CACNB1: variants seen among roughly 807,000 people sequenced by gnomAD.
CACNB1 encodes calcium voltage-gated channel auxiliary subunit beta 1.
CACNB1 carries 29 observed loss-of-function variants against 71.6 expected under a neutral mutation model. The observed-to-expected ratio is 0.40, with a 90% confidence interval of 0.30 to 0.55. CACNB1 has a LOEUF of 0.55. Ranked by LOEUF, CACNB1 falls within the 20% of genes least tolerant of loss-of-function variation. CACNB1 has a pLI of 0.38. For missense variants in CACNB1, 623 were observed against 801.8 expected (o/e 0.78, Z 2.69); for synonymous variants, 300 against 319.6 (o/e 0.94, Z 0.65).
At position 39,184,076 on chromosome 17, in the gene CACNB1, T is replaced by C. The variant is rs1269735666; in HGVS notation, c.853A>G (p.Ser285Gly). 3 of 1,613,420 alleles carry C rather than the reference T, an allele frequency of 1.9e-6. No individual in the cohort carries two copies. The Admixed American group carries it at 5.0e-5, about 27-fold the overall frequency. Residue 285 changes from serine (S) to glycine (G), a missense_variant, in exon 10 of 14, where the codon AGC becomes GGC. Coordinates refer to ENST00000394303, the MANE Select transcript of CACNB1 (RefSeq NM_000723.5). ...GAGCGCTCAATGATGATGTGTTTGC[T>C]GGGGTTGTTGAGAACTGAGCGCTTA... The part of the protein sequence containing the change: ...LAKRSVLNNP[S>G]KHIIIERSNT...
Position 39,197,594 on chromosome 17 carries a change from C to T in CACNB1, c.-99G>A. ...GCCGAAAGCAGCGCGGCGCAGCCAG[C>T]ACCCGGTCCAGCCACCCAGCTCGGC... On this transcript the variant is annotated 5_prime_UTR_variant, in exon 1 of 14. Transcript: ENST00000394303. The T allele has an allele frequency of 6.7e-6, 6 of 897,044 alleles. No individual in the cohort carries two copies. Among genetic ancestry groups the T allele is most frequent in the Non-Finnish European group, 9.9e-6 (6 of 607,786 alleles). 55.6% of individuals were successfully genotyped at this position (897,044 alleles called of 1,614,324 possible).
In CACNB1 at chr17:39,186,695, G is replaced by T; in HGVS notation, c.551+98C>A. ...CACTGGTGATGCCACAGGCAGCTCT[G>T]TGCCCTCAGGGCCAGGGACAACCAT... On this transcript the variant is annotated intron_variant, in intron 5 of 13. Transcript: ENST00000394303. This position sits in a 1 kb window ranked among gnomAD's most constrained non-coding sequence, Gnocchi z 4.1. The T allele has an allele frequency of 1.3e-6, 2 of 1,551,968 alleles. No homozygotes were observed. The highest frequency in any genetic ancestry group is 2.3e-5 in the East Asian group (1 of 44,332).
At chr17:39,180,659 C>CAA (rs200675636) in intron 11 of CACNB1, among the ~76,000 whole-genome samples, 7 of 135,334 alleles carry the variant, frequency 5.2e-5, no homozygotes, top group South Asian at 2.3e-4. Context: ...CGTCCCCCCT[C>CAA]AAAAAAAAAA....
intron 13 of CACNB1, among the ~76,000 whole-genome samples, chr17:39,176,612 A>C (rs1325448011): frequency 6.6e-6 from 1 of 152,222 alleles, no homozygotes; most frequent in Non-Finnish European, 1.5e-5. Flanking sequence ...TTCATTGAAC[A>C]AATGGGCTCT....
intron 3 of CACNB1, among the ~76,000 whole-genome samples, chr17:39,188,570 T>C (rs801236): frequency 0.19 from 23,756 of 125,460 alleles, 2,496 homozygotes; most frequent in African/African-American, 0.36. Context: ...TGAGACTCCG[T>C]CAAAAAAAAA....
At position 39,196,105 on chromosome 17, in the gene CACNB1, G is replaced by A. The variant is rs3025211; in HGVS notation, c.85-1135C>T. 1.6e-3 allele frequency among the ~76,000 whole-genome samples: 248 copies of A among 152,220 alleles called. 6 individuals are homozygous for A. In the East Asian group the frequency reaches 0.042, roughly 26 times the overall value. On this transcript the variant is annotated intron_variant, in intron 1 of 13. Coordinates refer to ENST00000394303, the MANE Select transcript of CACNB1 (RefSeq NM_000723.5). ...GTCCCCGCCCTTGGTCTCCATCCTA[G>A]ACTTTCTTTGGCCAAAGAACCTGGA...
chr17:39,184,063 A>G lies in CACNB1; in HGVS notation c.866T>C (p.Ile289Thr). 1 of 1,613,388 alleles carries G rather than the reference A, an allele frequency of 6.2e-7. No individual in the cohort carries two copies. The highest frequency in any genetic ancestry group is 8.5e-7 in the Non-Finnish European group (1 of 1,179,626). Residue 289 changes from isoleucine (I) to threonine (T), a missense_variant, in exon 10 of 14, where the codon ATC (isoleucine) becomes ACC (threonine). Transcript: ENST00000394303. ...SVLNNPSKHIIIERSNTRSSL... is the reference protein window; with the variant it reads ...SVLNNPSKHITIERSNTRSSL... ...GGAGCGTGTGTTGGAGCGCTCAATG[A>G]TGATGTGTTTGCTGGGGTTGTTGAG...
chr17:39,186,877 A>C lies in CACNB1; in HGVS notation c.467T>G (p.Val156Gly). Reference protein sequence around the residue: ...IGRLVKEGCEVGFIPSPVKLD... With the variant: ...IGRLVKEGCEGGFIPSPVKLD... ...TTTGACGGGGCTGGGAATGAAGCCA[A>C]CCTCACAGCCCTCCTTCACCAGCCG... The change falls in exon 5 of 14, where the codon GTT becomes GGT. Residue 156 changes from valine (V) to glycine (G), a missense_variant. Val to Gly is a moderately radical substitution (Grantham distance 109, BLOSUM62 -3). Coordinates refer to ENST00000394303, the MANE Select transcript of CACNB1 (RefSeq NM_000723.5). This position sits in a 1 kb window ranked among gnomAD's most constrained non-coding sequence, Gnocchi z 4.1. 2 of 1,613,964 alleles carry C rather than the reference A, an allele frequency of 1.2e-6. No homozygotes were observed. The highest frequency in any genetic ancestry group is 1.7e-6 in the Non-Finnish European group (2 of 1,179,896).
rs1260149069 is a variant in CACNB1 at position 39,197,481 on chromosome 17, G to C, written c.15C>G (p.Thr5=). The change falls in exon 1 of 14, where the codon ACC becomes ACG. Residue 5 remains threonine (T), a synonymous_variant. Coordinates refer to ENST00000394303, the MANE Select transcript of CACNB1 (RefSeq NM_000723.5). ...GTGGGTAAGGGCCCCGGGACATGCT[G>C]GTCTTCTGGACCATGGAGAGGAGCC... MVQK[T]SMSRGPYPPS... 1 of 1,494,342 alleles carries C rather than the reference G, an allele frequency of 6.7e-7. No homozygotes were observed. The highest frequency in any genetic ancestry group is 1.3e-5 in the South Asian group (1 of 77,228). 92.6% of individuals were successfully genotyped at this position (1,494,342 alleles called of 1,614,324 possible).
chr17:39,186,844 C>T lies in CACNB1; in HGVS notation c.500G>A (p.Ser167Asn). Residue 167 changes from serine to asparagine, a missense_variant, in exon 5 of 14, where the codon AGC (serine) becomes AAC (asparagine). Coordinates refer to ENST00000394303, the MANE Select transcript of CACNB1 (RefSeq NM_000723.5). The surrounding 1 kb of genome is among the most constrained non-coding windows in gnomAD (Gnocchi z 4.1). Reference protein sequence around the residue: ...GFIPSPVKLDSLRLLQEQKLR... With the variant: ...GFIPSPVKLDNLRLLQEQKLR... The stretch of plus-strand genomic sequence containing the variant: ...CTTCTGTTCCTGCAGCAGGCGAAGG[C>T]TGTCCAGTTTGACGGGGCTGGGAAT... The T allele has an allele frequency of 6.2e-7, 1 of 1,614,158 alleles. No individual in the cohort carries two copies. The highest frequency in any genetic ancestry group is 8.5e-7 in the Non-Finnish European group (1 of 1,179,988).
At chr17:39,184,217 G>A (rs2045869700) in intron 9 of CACNB1, 77 bp from the exon 10 acceptor site, 2 of 1,297,614 alleles carry the variant, frequency 1.5e-6, no homozygotes, top group Non-Finnish European at 2.2e-6. Context: ...TTCCAGGCCC[G>A]CCTTCTGTTC....
At chr17:39,181,075 C>T (rs1359314801) in intron 11 of CACNB1, among the ~76,000 whole-genome samples, 1 of 151,766 alleles carries the variant, frequency 6.6e-6, no homozygotes, top group Admixed American at 6.6e-5. Context: ...TCTGGGATAC[C>T]AAGCGTTTAT....
rs762711964 is a variant in CACNB1 at position 39,187,467 on chromosome 17, C to T, written c.414+12G>A. On this transcript the variant is annotated intron_variant, in intron 4 of 13. Coordinates refer to ENST00000394303, the MANE Select transcript of CACNB1 (RefSeq NM_000723.5). ...TGGCACCCACTTCCCTGCCCTCCCT[C>T]CAGATACCCACCTCCTTGATGTGCA... The T allele has an allele frequency of 1.2e-6, 2 of 1,613,808 alleles. No homozygotes were observed. Among genetic ancestry groups the T allele is most frequent in the Admixed American group, 3.3e-5 (2 of 59,994 alleles).
At chr17:39,189,586 C>A (rs2046023373) in intron 3 of CACNB1, among the ~76,000 whole-genome samples, 1 of 150,950 alleles carries the variant, frequency 6.6e-6, no homozygotes, top group Admixed American at 6.6e-5. Context: ...GCAACCTCTG[C>A]CTCCTTGGTT....
At position 39,175,278 on chromosome 17, in the gene CACNB1, C is replaced by T. The variant is rs755188315; in HGVS notation, c.1712G>A (p.Arg571His). Reference protein sequence around the residue: ...DNRNRGRNKARYCAEGGGPVL... With the variant: ...DNRNRGRNKAHYCAEGGGPVL... ...TGGACCCCCACCCTCAGCGCAGTAG[C>T]GGGCCTTATTCCGGCCCCGGTTCCG... Residue 571 changes from arginine (R) to histidine (H), a missense_variant, in exon 14 of 14, where the codon CGC (arginine) becomes CAC (histidine). Coordinates refer to ENST00000394303, the MANE Select transcript of CACNB1 (RefSeq NM_000723.5). This position sits in a 1 kb window ranked among gnomAD's most constrained non-coding sequence, Gnocchi z 4.7. 13 of 1,614,038 alleles carry T rather than the reference C, an allele frequency of 8.1e-6. No individual in the cohort carries two copies. Among genetic ancestry groups the T allele is most frequent in the Admixed American group, 1.7e-5 (1 of 60,000 alleles).
chr17:39,192,173 C>T (rs1291204630), intron 2 of CACNB1: 3 of 156,680 alleles, frequency 1.9e-5, no homozygotes, highest in African/African-American at 4.8e-5. Flanking sequence ...AACTTCACTA[C>T]TTACAGCCCC....
In CACNB1 at chr17:39,186,954, G is replaced by A. The variant is rs1478830831; in HGVS notation, c.415-25C>T. The A allele has an allele frequency of 1.9e-6, 3 of 1,611,804 alleles. No individual in the cohort carries two copies. The highest frequency in any genetic ancestry group is 2.2e-5 in the East Asian group (1 of 44,818). On this transcript the variant is annotated intron_variant, in intron 4 of 13. Transcript: ENST00000394303. The surrounding 1 kb of genome is among the most constrained non-coding windows in gnomAD (Gnocchi z 4.1). Reference sequence around the variant, plus strand: ...TCTGCAAAGAATATGGCAGGTGGGTGGAAAGAGCAAGAGGGAAACTGCAGG... The same window carrying A: ...TCTGCAAAGAATATGGCAGGTGGGTAGAAAGAGCAAGAGGGAAACTGCAGG...
In CACNB1 at chr17:39,178,077, T is replaced by C; in HGVS notation, c.1053A>G (p.Val351=). 1 of 1,612,558 alleles carries C rather than the reference T, an allele frequency of 6.2e-7. No homozygotes were observed. The highest frequency in any genetic ancestry group is 8.5e-7 in the Non-Finnish European group (1 of 1,178,622). The change falls in exon 12 of 14, where the codon GTA becomes GTG. Residue 351 remains valine (V), a splice_region_variant and synonymous_variant. Coordinates refer to ENST00000394303, the MANE Select transcript of CACNB1 (RefSeq NM_000723.5). ...IVYIKITSPK[V]LQRLIKSRGK... ...CTCGGGACTTGATGAGCCTTTGAAG[T>C]ACCTGGTTTGGGGAGAGAGAAAAGG...
rs2046230363 is a variant in CACNB1, at chr17:39,197,643, T to C, written c.-148A>G. The C allele has an allele frequency of 1.7e-6, 1 of 572,100 alleles. No individual in the cohort carries two copies. Among genetic ancestry groups the C allele is most frequent in the Non-Finnish European group, 3.0e-6 (1 of 332,788 alleles). The allele number at this position is 572,100 out of a possible 1,614,324, so 35.4% of individuals were successfully genotyped here. A position where few individuals can be genotyped will look rare whatever the true frequency, so the allele number is the denominator to read the frequency against. ...GCCTTCGGCTGCCTCCTTCCTGCCT[T>C]CCCTCGCTCCTCCCGCTCTCTCCAC... On this transcript the variant is annotated 5_prime_UTR_variant, in exon 1 of 14. Coordinates refer to ENST00000394303, the MANE Select transcript of CACNB1 (RefSeq NM_000723.5).
Sources: gnomAD v4.1 joint callset for allele counts (sites outside exome capture counted in the v4.1 genomes callset) on GRCh38, gnomAD v4.1.1 for gene constraint, Gnocchi (gnomAD v3.1) non-coding constraint, MANE v1.5 for transcripts, NCBI Gene and HGNC (gene_info 2026-07-23, HGNC 2026-07-21) for gene names.